The following FOXD4L4 variants were observed in gnomAD, a reference collection of about 807,000 sequenced individuals.
FOXD4L4 encodes the protein forkhead box D4 like 4.
A neutral mutation model predicts 24.1 loss-of-function variants in FOXD4L4; 5 were observed. The ratio of observed to expected loss-of-function variants is 0.21; its 90% CI spans 0.11 to 0.44. FOXD4L4 has a LOEUF of 0.44. Among genes scored for constraint, FOXD4L4 ranks in the 20% least tolerant of loss-of-function variants. FOXD4L4 has a pLI of 0.99. For missense variants in FOXD4L4, 128 were observed against 617.5 expected, an observed-to-expected ratio of 0.21 and a Z score of 8.40; for synonymous variants, 71 against 276.2, an observed-to-expected ratio of 0.26 and a Z score of 7.37.
exon 1 of FOXD4L4, chr9:65,738,049 C>T: frequency 6.2e-7 from 1 of 1,607,522 alleles, no homozygotes; most frequent in Middle Eastern, 2.3e-4. Context: ...CTGCAGCCCT[C>T]ACTTGGTCCT....
the FOXD4L4 span, chr9:65,737,352 T>TC: frequency 1.9e-6 from 3 of 1,612,150 alleles, no homozygotes; most frequent in Non-Finnish European, 2.5e-6. Context: ...GGGTTGCGCT[T>TC]CCCCGAGAGC....
exon 1 of FOXD4L4, chr9:65,737,632 AACG>A (rs1303929715): frequency 6.3e-7 from 1 of 1,586,492 alleles, no homozygotes; most frequent in African/African-American, 1.4e-5. Context: ...CCTCTCGCTG[AACG>A]ACTGCTTCGT....
At chr9:65,737,376 C>G (rs1189427976) in exon 1 of FOXD4L4, 4 of 1,610,862 alleles carry the variant, frequency 2.5e-6, no homozygotes, top group Non-Finnish European at 2.5e-6. Context: ...TCGAGGGCGG[C>G]GGCGGCCCGA....
exon 1 of FOXD4L4, chr9:65,738,013 C>T (rs1199041781): frequency 1.2e-6 from 2 of 1,605,156 alleles, no homozygotes; most frequent in Admixed American, 1.7e-5. Context: ...AGGCGCGGAC[C>T]TGGCGACCCC....
At chr9:65,737,908 C>T in exon 1 of FOXD4L4, 2 of 1,602,764 alleles carry the variant, frequency 1.2e-6, no homozygotes, top group Non-Finnish European at 1.7e-6. Flanking sequence ...CAACACCGCC[C>T]CCGGGAGACG....
At chr9:65,737,952 C>T in exon 1 of FOXD4L4, 1 of 1,602,412 alleles carries the variant, frequency 6.2e-7, no homozygotes, top group Admixed American at 1.7e-5. Context: ...ATCCTCTTCG[C>T]TACCTACTGC....
At chr9:65,737,339 G>T in exon 1 of FOXD4L4, 3 of 1,612,342 alleles carry the variant, frequency 1.9e-6, no homozygotes, top group Non-Finnish European at 2.5e-6. Context: ...GCCCGGTGGG[G>T]CGGGGTTGCG....
At position 65,738,110 on chromosome 9, in the gene FOXD4L4, C is replaced by T. The variant is rs1192387814; in HGVS notation, c.965C>T (p.Ala322Val). 3.1e-6 allele frequency: 5 copies of T among 1,604,104 alleles called. 1 individual carries two copies. The African/African-American group carries it at 7.1e-5, about 23-fold the overall frequency. Residue 322 changes from alanine (A) to valine (V), a missense_variant, in exon 1 of 1, where the codon GCT becomes GTT. By Grantham distance (64) the Ala-to-Val change is moderately conservative (BLOSUM62 0). Coordinates refer to ENST00000377413, the Ensembl canonical transcript of FOXD4L4. Reference sequence around the variant, plus strand: ...TGGCGTCGCCACCGGGAGGCGGATGCTTCTCTTTCAGCATTGAGAGTATTA... The same window carrying T: ...TGGCGTCGCCACCGGGAGGCGGATGTTTCTCTTTCAGCATTGAGAGTATTA...
chr9:65,737,624 T>A, exon 1 of FOXD4L4: 1 of 1,598,290 alleles, frequency 6.3e-7, no homozygotes, highest in East Asian at 2.2e-5. Context: ...CGCCACAACC[T>A]CTCGCTGAAC....
chr9:65,737,776 C>T, exon 1 of FOXD4L4: 1 of 1,609,580 alleles, frequency 6.2e-7, no homozygotes, highest in African/African-American at 1.3e-5. Flanking sequence ...CCAACTGACC[C>T]CGGGAGCCCA....
rs1587555822 is a variant in FOXD4L4, at chr9:65,737,405, G to A, written c.260G>A (p.Gly87Asp). ...GGCCCGAGTGACCCTTCAGAGTTTGGCACCAAGTTCAGGGCACCGCCAAGG... is the reference window on the plus strand; with the variant it reads ...GGCCCGAGTGACCCTTCAGAGTTTGACACCAAGTTCAGGGCACCGCCAAGG... Residue 87 changes from glycine (G) to aspartate (D), a missense_variant, in exon 1 of 1, where the codon GGC (glycine) becomes GAC (aspartate). Transcript: ENST00000377413. 2.5e-6 allele frequency: 4 copies of A among 1,608,218 alleles called. No homozygotes were observed. In the African/African-American group the frequency reaches 4.1e-5, roughly 17 times the overall value.
exon 1 of FOXD4L4, chr9:65,738,201 T>C: frequency 1.3e-6 from 2 of 1,599,548 alleles, no homozygotes; most frequent in Non-Finnish European, 1.7e-6. Context: ...GTGGAGCTAC[T>C]GCCACCTGCT....
At chr9:65,737,358 A>G (rs1832980183) in exon 1 of FOXD4L4, 1 of 1,612,106 alleles carries the variant, frequency 6.2e-7, no homozygotes, top group African/African-American at 1.3e-5. Flanking sequence ...CGCTTCCCCG[A>G]GAGCACATCG....
exon 1 of FOXD4L4, chr9:65,737,349 G>C: frequency 5.0e-6 from 8 of 1,612,118 alleles, no homozygotes; most frequent in Admixed American, 3.3e-5. Context: ...GCGGGGTTGC[G>C]CTTCCCCGAG....
the FOXD4L4 span, chr9:65,737,966 C>A: frequency 6.2e-7 from 1 of 1,601,010 alleles, no homozygotes; most frequent in Non-Finnish European, 8.5e-7. Flanking sequence ...CTACTGCTCT[C>A]GGCCCGCGTC....
At chr9:65,738,091 C>A in exon 1 of FOXD4L4, 1 of 1,604,426 alleles carries the variant, frequency 6.2e-7, no homozygotes. Context: ...GGTCTGGCGT[C>A]GCCACCGGGA....
exon 1 of FOXD4L4, chr9:65,737,384 C>A: frequency 6.2e-7 from 1 of 1,608,816 alleles, no homozygotes; most frequent in Non-Finnish European, 8.5e-7. Context: ...GGCGGCGGCC[C>A]GAGTGACCCT....
chr9:65,738,045 C>T, exon 1 of FOXD4L4: 2 of 1,607,580 alleles, frequency 1.2e-6, no homozygotes, highest in South Asian at 1.1e-5. Context: ...CGTGCTGCAG[C>T]CCTCACTTGG....
chr9:65,737,704 G>A (rs1832989859), exon 1 of FOXD4L4: 1 of 1,609,118 alleles, frequency 6.2e-7, no homozygotes, highest in Admixed American at 1.7e-5. Flanking sequence ...CCTGGACCCC[G>A]CCTCCCAGGA....
Sources: gnomAD v4.1 joint callset for allele counts on GRCh38, gnomAD v4.1.1 for gene constraint, MANE v1.5 for transcripts, NCBI Gene and HGNC (gene_info 2026-07-23, HGNC 2026-07-21) for gene names.